The following FAM200B variants were observed in gnomAD, a reference collection of about 807,000 sequenced individuals.
The protein encoded by FAM200B is zinc finger BED-type containing 11.
Under a neutral mutation model 33.1 loss-of-function variants are expected in FAM200B, and 32 were observed. The ratio of observed to expected loss-of-function variants is 0.97; its 90% CI spans 0.73 to 1.30. The LOEUF (loss-of-function observed/expected upper bound fraction) is 1.30. Ranked by LOEUF, FAM200B falls within the 50% of genes most tolerant of loss-of-function variation. The probability of loss-of-function intolerance (pLI) is 0.00; values close to 1 mark genes in which losing one functional copy is unlikely to be tolerated. For synonymous variants in FAM200B, 240 were observed against 264.8 expected, an observed-to-expected ratio of 0.91 and a Z score of 0.91; for missense variants, 741 against 754.0, an observed-to-expected ratio of 0.98 and a Z score of 0.20.
the FAM200B span, among the ~76,000 whole-genome samples, chr4:15,642,012 A>C: frequency 6.6e-6 from 1 of 151,874 alleles, no homozygotes; most frequent in East Asian, 1.9e-4. Context: ...TGGGTGACAG[A>C]GCAAGACTCT....
At chr4:15,684,347 TA>T (rs1718627886) in intron 1 of FAM200B, among the ~76,000 whole-genome samples, 1 of 152,226 alleles carries the variant, frequency 6.6e-6, no homozygotes, top group Non-Finnish European at 1.5e-5. Flanking sequence ...ACTTCTCCCC[TA>T]AAATTCCTCT....
the FAM200B span, among the ~76,000 whole-genome samples, chr4:15,652,181 A>C: frequency 1.3e-5 from 2 of 152,232 alleles, no homozygotes; most frequent in East Asian, 3.9e-4. Flanking sequence ...TGGAAAAAGG[A>C]TGTCATTCAA....
the FAM200B span, among the ~76,000 whole-genome samples, chr4:15,643,014 T>C: frequency 6.6e-6 from 1 of 152,194 alleles, no homozygotes; most frequent in Non-Finnish European, 1.5e-5. Flanking sequence ...TTATTTCTAC[T>C]AGTCATGACT....
At chr4:15,669,892 G>A in the FAM200B span, among the ~76,000 whole-genome samples, 1 of 152,022 alleles carries the variant, frequency 6.6e-6, no homozygotes, top group Non-Finnish European at 1.5e-5. Context: ...CTTATCCAAG[G>A]GTTCCAAAAG....
At chr4:15,649,029 T>C in the FAM200B span, among the ~76,000 whole-genome samples, 1 of 152,082 alleles carries the variant, frequency 6.6e-6, no homozygotes, top group South Asian at 2.1e-4. Context: ...GAAAAAATGA[T>C]CAACAGATCA....
At chr4:15,654,390 A>T in the FAM200B span, among the ~76,000 whole-genome samples, 1 of 152,216 alleles carries the variant, frequency 6.6e-6, no homozygotes, top group Non-Finnish European at 1.5e-5. Flanking sequence ...AACCATCTCC[A>T]CAAAAGTGCC....
chr4:15,653,008 A>T, the FAM200B span, among the ~76,000 whole-genome samples: 1 of 152,310 alleles, frequency 6.6e-6, no homozygotes, highest in African/African-American at 2.4e-5. Context: ...ACCATTACAA[A>T]ATACTTATTT....
At chr4:15,646,003 G>A in the FAM200B span, among the ~76,000 whole-genome samples, 1 of 152,062 alleles carries the variant, frequency 6.6e-6, no homozygotes, top group Admixed American at 6.6e-5. Context: ...AGGTAAATAA[G>A]ACAATGAACA....
In FAM200B at chr4:15,687,403, T is replaced by C. The variant is rs1560263893; in HGVS notation, c.426T>C (p.Val142=). The change falls in exon 2 of 2, where the codon GTT becomes GTC. Residue 142 remains valine (V), a synonymous_variant. Transcript: ENST00000422728. The stretch of plus-strand genomic sequence containing the variant: ...AATTTCTTAGTTGTTCTACTGCTGT[T>C]AGTGAGAAAGCCTTATTATCATCAT... ...STQFLSCSTA[V]SEKALLSSYL... 1 of 1,548,896 alleles carries C rather than the reference T, an allele frequency of 6.5e-7. No individual in the cohort carries two copies. Among genetic ancestry groups the C allele is most frequent in the Admixed American group, 2.0e-5 (1 of 50,886 alleles).
rs1718711766 is a variant in FAM200B, at chr4:15,685,119, T to A, written c.-742-1117T>A. 2.0e-5 allele frequency among the ~76,000 whole-genome samples: 3 copies of A among 152,234 alleles called. No homozygotes were observed. The South Asian group carries it at 6.2e-4, about 31-fold the overall frequency. ...GGTTTAGGGCCAAACTATACAACTT[T>A]GTAACTAGACCAATAACACAAAATA... On this transcript the variant is annotated intron_variant, in intron 1 of 1. Transcript: ENST00000422728.
At chr4:15,655,881 G>A in the FAM200B span, among the ~76,000 whole-genome samples, 2 of 152,216 alleles carry the variant, frequency 1.3e-5, no homozygotes, top group African/African-American at 4.8e-5. Context: ...CTCAAAGGCC[G>A]GGCCTGGCTC....
chr4:15,655,351 G>T, the FAM200B span: 1 of 1,245,366 alleles, frequency 8.0e-7, no homozygotes, highest in African/African-American at 1.7e-5. Flanking sequence ...CACCCTCGCC[G>T]CGGGGCAGAG....
At chr4:15,659,228 C>T in the FAM200B span, among the ~76,000 whole-genome samples, 35 of 152,130 alleles carry the variant, frequency 2.3e-4, no homozygotes, top group African/African-American at 8.2e-4. Context: ...AGTAGGCATA[C>T]ATAGTAGGCA....
chr4:15,655,402 G>A, the FAM200B span: 5 of 1,026,716 alleles, frequency 4.9e-6, no homozygotes, highest in Non-Finnish European at 5.9e-6. Flanking sequence ...CCGTCGGCGC[G>A]CGCGCCCGGT....
chr4:15,666,010 G>A, the FAM200B span, among the ~76,000 whole-genome samples: 2 of 143,930 alleles, frequency 1.4e-5, no homozygotes, highest in African/African-American at 2.6e-5. Context: ...ATTTCCTACT[G>A]ACAACCTTTT....
chr4:15,650,868 T>G, the FAM200B span, among the ~76,000 whole-genome samples: 1 of 151,876 alleles, frequency 6.6e-6, no homozygotes, highest in Non-Finnish European at 1.5e-5. Context: ...CCTGACCTCA[T>G]GATCCACCTG....
upstream of FAM200B, among the ~76,000 whole-genome samples, chr4:15,679,117 C>G (rs1718102454): frequency 1.4e-5 from 2 of 144,276 alleles, no homozygotes; most frequent in African/African-American, 5.2e-5. Flanking sequence ...GGCTGGAGTG[C>G]AGCGGCGTGA....
chr4:15,668,735 T>G, the FAM200B span, among the ~76,000 whole-genome samples: 20 of 152,160 alleles, frequency 1.3e-4, no homozygotes, highest in African/African-American at 4.8e-4. Context: ...ACATTCAAGT[T>G]CCCAGACTAA....
At position 15,688,374 on chromosome 4, in the gene FAM200B, CATTATT is replaced by C; in HGVS notation, c.1398_1403del (p.Leu468_Leu469del). The C allele has an allele frequency of 1.3e-6, 2 of 1,549,620 alleles. No individual in the cohort carries two copies. The highest frequency in any genetic ancestry group is 1.2e-5 in the South Asian group (1 of 84,002). On this transcript the variant is annotated inframe_deletion, in exon 2 of 2. Transcript: ENST00000422728. Reference sequence around the variant, plus strand: ...GAACGTATCCAGGGATTTCGAAAGACATTATTGTTATGGCAAGTAAGACTTAAAAGT... The same window carrying C: ...GAACGTATCCAGGGATTTCGAAAGACGTTATGGCAAGTAAGACTTAAAAGT...
Sources: allele counts gnomAD v4.1 joint callset (sites outside exome capture counted in the v4.1 genomes callset), GRCh38; gene constraint gnomAD v4.1.1; transcripts MANE v1.5; gene names NCBI Gene and HGNC (gene_info 2026-07-23, HGNC 2026-07-21).